The following TANGO2 variants were observed in gnomAD, a reference collection of about 807,000 sequenced individuals.
TANGO2 encodes transport and golgi organization 2 homolog.
TANGO2 carries 26 observed loss-of-function variants against 39.1 expected under a neutral mutation model. The ratio of observed to expected loss-of-function variants is 0.67; its 90% CI spans 0.49 to 0.92. TANGO2 has a LOEUF of 0.92. Ranked by LOEUF, TANGO2 falls within the 40% of genes least tolerant of loss-of-function variation. The probability of loss-of-function intolerance (pLI) is 0.00; values close to 1 mark genes in which losing one functional copy is unlikely to be tolerated. For synonymous variants in TANGO2, 131 were observed against 144.5 expected, an observed-to-expected ratio of 0.91 and a Z score of 0.67; for missense variants, 326 against 360.1, an observed-to-expected ratio of 0.91 and a Z score of 0.77.
chr22:20,060,741 C>T (rs1013764033), intron 6 of TANGO2, among the ~76,000 whole-genome samples: 2 of 152,098 alleles, frequency 1.3e-5, no homozygotes, highest in African/African-American at 4.8e-5. Flanking sequence ...GGAAATGCCT[C>T]GGCCAAGATA....
In TANGO2 at chr22:20,057,278, C is replaced by A. The variant is rs2047549377; in HGVS notation, c.451+1265C>A. 6.6e-6 allele frequency among the ~76,000 whole-genome samples: 1 copy of A among 152,204 alleles called. No individual in the cohort carries two copies. Among genetic ancestry groups the A allele is most frequent in the Non-Finnish European group, 1.5e-5 (1 of 68,014 alleles). ...CTTGCCTGGCCCACACTGGAGCTGG[C>A]TTCCAGCTTCCCACGTCTGCCCAGT... is the stretch of plus-strand genomic sequence containing the variant. On this transcript the variant is annotated intron_variant, in intron 6 of 8. Transcript: ENST00000327374. This position sits in a 1 kb window ranked among gnomAD's most constrained non-coding sequence, Gnocchi z 4.1.
At chr22:20,023,663 G>C (rs569423740) in intron 1 of TANGO2, among the ~76,000 whole-genome samples, 9 of 150,486 alleles carry the variant, frequency 6.0e-5, no homozygotes, top group Admixed American at 1.3e-4. Context: ...GACCATCCTG[G>C]CTAACACGGT....
At chr22:20,062,360 G>C (rs951125062) in intron 7 of TANGO2, among the ~76,000 whole-genome samples, 3 of 152,140 alleles carry the variant, frequency 2.0e-5, no homozygotes, top group Non-Finnish European at 4.4e-5. Flanking sequence ...GCCCTGCCCA[G>C]GTGATCCAGC....
intron 1 of TANGO2, among the ~76,000 whole-genome samples, chr22:20,036,293 G>A (rs187312943): frequency 3.9e-4 from 59 of 152,286 alleles, no homozygotes; most frequent in African/African-American, 1.2e-3. Flanking sequence ...ATTGCTTGTC[G>A]AAACTGTGCT....
rs572735435 is a variant in TANGO2, at chr22:20,066,650, C to T, written c.*1988C>T. Reference sequence around the variant, plus strand: ...CCAGGCCTGAGGAGAAACTGAGGCCCCACATCCCATACGTGTCCTCTGAGT... The same window carrying T: ...CCAGGCCTGAGGAGAAACTGAGGCCTCACATCCCATACGTGTCCTCTGAGT... On this transcript the variant is annotated 3_prime_UTR_variant, in exon 9 of 9. Coordinates refer to ENST00000327374, the MANE Select transcript of TANGO2 (RefSeq NM_152906.7). Among the ~76,000 whole-genome samples the T allele has an allele frequency of 4.6e-5, 7 of 152,286 alleles. No individual in the cohort carries two copies. In the South Asian group the frequency reaches 1.4e-3, roughly 32 times the overall value.
chr22:20,026,594 G>A (rs142605647), intron 1 of TANGO2, among the ~76,000 whole-genome samples: 1 of 152,396 alleles, frequency 6.6e-6, no homozygotes, highest in African/African-American at 2.4e-5. Context: ...GCAGGGGATG[G>A]CTAGGGAGAA....
rs958779189 is a variant in TANGO2 at position 20,063,265 on chromosome 22, TG to T, written c.606-70del. 17 of 1,380,084 alleles carry T rather than the reference TG, an allele frequency of 1.2e-5. No individual in the cohort carries two copies. In the Admixed American group the frequency reaches 2.9e-4, roughly 23 times the overall value. The allele number at this position is 1,380,084 out of a possible 1,614,324, so 85.5% of individuals were successfully genotyped here. A position where few individuals can be genotyped will look rare whatever the true frequency, so the allele number is the denominator to read the frequency against. On this transcript the variant is annotated intron_variant, in intron 7 of 8. Coordinates refer to ENST00000327374, the MANE Select transcript of TANGO2 (RefSeq NM_152906.7). ...CCCCAGAGCCAGTTAGGCCACCAGG[TG>T]GGCTGGGGCTAGACCCGGCTGCGGG...
intron 1 of TANGO2, among the ~76,000 whole-genome samples, chr22:20,031,157 C>A (rs1040124722): frequency 3.3e-5 from 5 of 151,260 alleles, no homozygotes; most frequent in African/African-American, 2.4e-5. Flanking sequence ...GAGATCGCGC[C>A]GCTGCACTCC....
chr22:20,044,877 C>T (rs1291973955), intron 3 of TANGO2, among the ~76,000 whole-genome samples: 1 of 152,224 alleles, frequency 6.6e-6, no homozygotes, highest in East Asian at 1.9e-4. Flanking sequence ...CCCACCCTGG[C>T]ACCCAGGTCT....
At chr22:20,036,012 C>T (rs2042782855) in intron 1 of TANGO2, among the ~76,000 whole-genome samples, 1 of 152,130 alleles carries the variant, frequency 6.6e-6, no homozygotes, top group African/African-American at 2.4e-5. Context: ...TCAGTCTAAG[C>T]TGAAAGTTTA....
chr22:20,018,871 G>C (rs1211426602), upstream of TANGO2, among the ~76,000 whole-genome samples: 1 of 152,158 alleles, frequency 6.6e-6, no homozygotes, highest in Non-Finnish European at 1.5e-5. Flanking sequence ...CCAGAGGTCA[G>C]GAGTTCGAGA....
chr22:20,025,051 A>AT (rs2040461339), intron 1 of TANGO2, among the ~76,000 whole-genome samples: 1 of 148,300 alleles, frequency 6.7e-6, no homozygotes, highest in Admixed American at 6.7e-5. Flanking sequence ...GGATCTGTAC[A>AT]TTTTCTTTTT....
chr22:20,044,751 T>G (rs917322411), intron 3 of TANGO2, among the ~76,000 whole-genome samples: 35 of 152,010 alleles, frequency 2.3e-4, no homozygotes, highest in Non-Finnish European at 4.7e-4. Context: ...GACGGGTGGG[T>G]GAAGGCACAA....
rs1248001737 is a variant in TANGO2 at position 20,057,998 on chromosome 22, C to T, written c.451+1985C>T. ...TTTCTGTCTACATCCTGCCTCATCC[C>T]TGAGCCTGCCCCACCTGGTCCACAT... On this transcript the variant is annotated intron_variant, in intron 6 of 8. Transcript: ENST00000327374. This position sits in a 1 kb window ranked among gnomAD's most constrained non-coding sequence, Gnocchi z 4.1. 6.6e-6 allele frequency: 1 copy of T among 151,158 alleles called. No homozygotes were observed. The highest frequency in any genetic ancestry group is 1.5e-5 in the Non-Finnish European group (1 of 67,922). 9.4% of individuals were successfully genotyped at this position (151,158 alleles called of 1,614,324 possible). A position where few individuals can be genotyped will look rare whatever the true frequency, so the allele number is the denominator to read the frequency against.
upstream of TANGO2, among the ~76,000 whole-genome samples, chr22:20,020,059 G>A (rs2039455670): frequency 6.6e-6 from 1 of 152,190 alleles, no homozygotes; most frequent in African/African-American, 2.4e-5. Flanking sequence ...TTTTCTGCAG[G>A]GCATCAGGGC....
intron 1 of TANGO2, among the ~76,000 whole-genome samples, chr22:20,022,070 C>T (rs1039287891): frequency 6.6e-6 from 1 of 152,214 alleles, no homozygotes; most frequent in Non-Finnish European, 1.5e-5. Context: ...GCAGATGTGA[C>T]GGCAGCTATA....
rs565429759 is a variant in TANGO2, at chr22:20,038,551, C to G, written c.56+1697C>G. On this transcript the variant is annotated intron_variant, in intron 2 of 8. Coordinates refer to ENST00000327374, the MANE Select transcript of TANGO2 (RefSeq NM_152906.7). ...GGGCCCCTCTTGCTTTCACTCAGAACCCGTGTGTTGCTGCCAGGACCTGTC... is the reference window on the plus strand; with the variant it reads ...GGGCCCCTCTTGCTTTCACTCAGAAGCCGTGTGTTGCTGCCAGGACCTGTC... 1.1e-3 allele frequency among the ~76,000 whole-genome samples: 161 copies of G among 152,322 alleles called. 1 individual carries two copies. The highest frequency in any genetic ancestry group is 3.6e-3 in the African/African-American group (150 of 41,564).
At chr22:20,062,208 G>A (rs565481759) in intron 7 of TANGO2, among the ~76,000 whole-genome samples, 41 of 152,286 alleles carry the variant, frequency 2.7e-4, no homozygotes, top group African/African-American at 6.5e-4. Context: ...TTCCTTGCCC[G>A]TAGGCCTCAA....
At chr22:20,032,376 C>T (rs2042036479) in intron 1 of TANGO2, among the ~76,000 whole-genome samples, 2 of 152,266 alleles carry the variant, frequency 1.3e-5, no homozygotes, top group South Asian at 4.1e-4. Context: ...GGGTCCTGTG[C>T]AGGATGCAGA....
Sources: allele counts gnomAD v4.1 joint callset (sites outside exome capture counted in the v4.1 genomes callset), GRCh38; gene constraint gnomAD v4.1.1; non-coding constraint Gnocchi (gnomAD v3.1); transcripts MANE v1.5; gene names NCBI Gene and HGNC (gene_info 2026-07-23, HGNC 2026-07-21).